The following MIGA1 variants were observed in gnomAD, a reference collection of about 807,000 sequenced individuals.
The protein encoded by MIGA1 is family with sequence similarity 73, member A.
A neutral mutation model predicts 82.0 loss-of-function variants in MIGA1; 58 were observed. The observed-to-expected ratio is 0.71, with a 90% CI of 0.57 to 0.88. The LOEUF is 0.88. Ranked by LOEUF, MIGA1 falls within the 40% of genes least tolerant of loss-of-function variation. The pLI, the probability that MIGA1 is intolerant of heterozygous loss-of-function variation, is 0.00. For synonymous variants in MIGA1, 249 were observed against 253.6 expected, an observed-to-expected ratio of 0.98 and a Z score of 0.17; for missense variants, 751 against 749.1, an observed-to-expected ratio of 1.00 and a Z score of -0.03.
At chr1:77,783,170 G>A (rs1230424636) in intron 1 of MIGA1, 68 bp from the exon 2 acceptor site, 2 of 1,076,318 alleles carry the variant, frequency 1.9e-6, no homozygotes, top group Non-Finnish European at 2.7e-6. Context: ...TTTTCAGTTT[G>A]TACCTTTCAT....
At chr1:77,786,736 A>T (rs534952016) in intron 2 of MIGA1, among the ~76,000 whole-genome samples, 3 of 152,240 alleles carry the variant, frequency 2.0e-5, no homozygotes, top group Admixed American at 2.0e-4. Flanking sequence ...TATTCATATC[A>T]CTATCAGCAT....
intron 2 of MIGA1, among the ~76,000 whole-genome samples, chr1:77,799,291 CATCTA>C (rs1682780645): frequency 6.6e-6 from 1 of 152,254 alleles, no homozygotes; most frequent in Middle Eastern, 3.4e-3. Context: ...TTACTTGAGA[CATCTA>C]AGACTTTCTC....
At chr1:77,829,735 T>C (rs1244885638) in intron 7 of MIGA1, among the ~76,000 whole-genome samples, 1 of 152,170 alleles carries the variant, frequency 6.6e-6, no homozygotes, top group East Asian at 1.9e-4. Context: ...CCTCCCAAAG[T>C]CCTGAGATTA....
chr1:77,799,240 CAA>C (rs1682778345), intron 2 of MIGA1, among the ~76,000 whole-genome samples: 1 of 152,162 alleles, frequency 6.6e-6, no homozygotes, highest in Non-Finnish European at 1.5e-5. Context: ...AGATGATGCA[CAA>C]CCATTGCAAA....
chr1:77,849,177 A>T (rs1446514556), intron 8 of MIGA1, among the ~76,000 whole-genome samples: 3 of 152,212 alleles, frequency 2.0e-5, no homozygotes, highest in Non-Finnish European at 2.9e-5. Context: ...AGGCAGAAGG[A>T]TCACTTGAGG....
intron 2 of MIGA1, among the ~76,000 whole-genome samples, chr1:77,786,285 C>T (rs1314522211): frequency 2.0e-5 from 3 of 152,218 alleles, no homozygotes; most frequent in African/African-American, 7.2e-5. Flanking sequence ...CCTCCTAGGC[C>T]TCCTGGCTGG....
In MIGA1 at chr1:77,860,137, T is replaced by G. The variant is rs1305484442; in HGVS notation, c.1275+11T>G. ...GTGAAAGCACGAAAGGTAAACTTGT[T>G]CTGTTGGCAAGATTTTTACCATTTA... On this transcript the variant is annotated intron_variant, in intron 11 of 15. Transcript: ENST00000370791. The G allele has an allele frequency of 6.3e-7, 1 of 1,585,506 alleles. No homozygotes were observed. Among genetic ancestry groups the G allele is most frequent in the Non-Finnish European group, 8.6e-7 (1 of 1,159,368 alleles).
At chr1:77,843,525 G>T in intron 8 of MIGA1, 118 bp downstream of exon 8, 1 of 701,088 alleles carries the variant, frequency 1.4e-6, no homozygotes. Flanking sequence ...CCATGTGGTA[G>T]GTGCCAGGAT....
At chr1:77,856,842 C>A (rs530342834) in intron 8 of MIGA1, among the ~76,000 whole-genome samples, 1 of 151,876 alleles carries the variant, frequency 6.6e-6, no homozygotes, top group South Asian at 2.1e-4. Context: ...TGTTTCATTC[C>A]TCTTTTGTAT....
At chr1:77,797,962 A>G (rs1682725826) in intron 2 of MIGA1, among the ~76,000 whole-genome samples, 1 of 152,120 alleles carries the variant, frequency 6.6e-6, no homozygotes, top group Non-Finnish European at 1.5e-5. Context: ...TGTACTGGCT[A>G]GTACTTCTAA....
chr1:77,874,945 C>T lies in MIGA1; in HGVS notation c.1780C>T (p.Arg594Cys), dbSNP rs201652690. Reference sequence around the variant, plus strand: ...TGAAGACCTCATGCAGTTACTCATTCGCCGCACTGAGCTTTTAATGGCCTA... The same window carrying T: ...TGAAGACCTCATGCAGTTACTCATTTGCCGCACTGAGCTTTTAATGGCCTA... The change falls in exon 16 of 16, where the codon CGC (arginine) becomes TGC (cysteine). Residue 594 changes from arginine (R) to cysteine (C), a missense_variant. Arg to Cys is a radical substitution (Grantham distance 180, BLOSUM62 -3). Around this residue, in one of 3 missense-constraint regions of MIGA1, gnomAD observed 265 missense variants for 293.6 expected, o/e 0.90. Coordinates refer to ENST00000370791, the MANE Select transcript of MIGA1 (RefSeq NM_198549.4). The T allele has an allele frequency of 1.3e-5, 21 of 1,614,040 alleles. No individual in the cohort carries two copies. Among genetic ancestry groups the T allele is most frequent in the African/African-American group, 9.3e-5 (7 of 75,030 alleles).
At chr1:77,811,299 T>C in intron 5 of MIGA1, 1 of 1,602,064 alleles carries the variant, frequency 6.2e-7, no homozygotes. Flanking sequence ...CTGGTTCCGA[T>C]GGCAACCTTG....
intron 8 of MIGA1, among the ~76,000 whole-genome samples, chr1:77,850,034 CAAAA>C (rs377438344): frequency 1.0e-5 from 1 of 97,360 alleles, no homozygotes; most frequent in African/African-American, 3.8e-5. Context: ...GACTCTCTCT[CAAAA>C]AAAAAAAAAA....
At chr1:77,802,717 G>T (rs887064819) in intron 3 of MIGA1, among the ~76,000 whole-genome samples, 2 of 151,982 alleles carry the variant, frequency 1.3e-5, no homozygotes, top group Admixed American at 6.6e-5. Context: ...GGACGTCAGT[G>T]CTGCAGTGAG....
Position 77,813,923 on chromosome 1 carries a change from T to G in MIGA1, c.771+56T>G, listed in dbSNP as rs555895585. The G allele has an allele frequency of 1.1e-5, 18 of 1,592,432 alleles. No homozygotes were observed. The African/African-American group carries it at 1.6e-4, about 14-fold the overall frequency. On this transcript the variant is annotated intron_variant, in intron 6 of 15. Coordinates refer to ENST00000370791, the MANE Select transcript of MIGA1 (RefSeq NM_198549.4). The stretch of plus-strand genomic sequence containing the variant: ...AATATTAGAAGAATCAAACTTTTTT[T>G]TTGTTTTTTTGGTAGAGGTAGGGTC...
chr1:77,807,084 A>G lies in MIGA1; in HGVS notation c.620A>G (p.Glu207Gly). ...GTTAATATTCCTGTGACTACTCCAG[A>G]GAACTTATACTTAATGGGTAGGAAT... Residue 207 changes from glutamate to glycine, a missense_variant, in exon 5 of 16, where the codon GAG (glutamate) becomes GGG (glycine). Glu to Gly is a moderately conservative substitution (Grantham distance 98). Around this residue, in one of 3 missense-constraint regions of MIGA1, gnomAD observed 482 missense variants for 439.4 expected, o/e 1.10. Transcript: ENST00000370791. 6.3e-7 allele frequency: 1 copy of G among 1,591,788 alleles called. No homozygotes were observed. The highest frequency in any genetic ancestry group is 8.6e-7 in the Non-Finnish European group (1 of 1,161,916).
intron 7 of MIGA1, among the ~76,000 whole-genome samples, chr1:77,830,925 G>T (rs961535516): frequency 1.3e-5 from 2 of 152,182 alleles, no homozygotes; most frequent in African/African-American, 2.4e-5. Flanking sequence ...CTATTTTCAG[G>T]TTGCTTGTAG....
In MIGA1 at chr1:77,874,868, A is replaced by G. The variant is rs752410070; in HGVS notation, c.1703A>G (p.Lys568Arg). 3 of 1,613,798 alleles carry G rather than the reference A, an allele frequency of 1.9e-6. No individual in the cohort carries two copies. Among genetic ancestry groups the G allele is most frequent in the East Asian group, 2.2e-5 (1 of 44,866 alleles). ...CAGAATCAAGTTCTTTTATTTCTCAAAGACATTTTTGACTTTGAGAAGGTG... is the reference window on the plus strand; with the variant it reads ...CAGAATCAAGTTCTTTTATTTCTCAGAGACATTTTTGACTTTGAGAAGGTG... The change falls in exon 16 of 16, where the codon AAA (lysine) becomes AGA (arginine). Residue 568 changes from lysine to arginine, a missense_variant. Lys to Arg is a conservative substitution (Grantham distance 26). Around this residue, in one of 3 missense-constraint regions of MIGA1, gnomAD observed 265 missense variants for 293.6 expected, o/e 0.90. Transcript: ENST00000370791.
chr1:77,846,455 A>G (rs1684845302), intron 8 of MIGA1, among the ~76,000 whole-genome samples: 1 of 152,010 alleles, frequency 6.6e-6, no homozygotes, highest in Non-Finnish European at 1.5e-5. Context: ...ATATGTATTT[A>G]ATAGAGAAAT....
Sources: allele counts gnomAD v4.1 joint callset (sites outside exome capture counted in the v4.1 genomes callset), GRCh38; gene constraint gnomAD v4.1.1; regional missense constraint gnomAD v4.1.1; transcripts MANE v1.5; gene names NCBI Gene and HGNC (gene_info 2026-07-23, HGNC 2026-07-21).